TPRG1: variants seen among roughly 807,000 people sequenced by gnomAD.
The protein encoded by TPRG1 is tumor protein p63 regulated 1.
Under a neutral mutation model 29.3 loss-of-function variants are expected in TPRG1, and 29 were observed. That is an observed-to-expected ratio of 0.99 (90% CI 0.74 to 1.35). The LOEUF is 1.35. Among genes scored for constraint, TPRG1 ranks in the 40% most tolerant of loss-of-function variants. The pLI is 0.00. For missense variants in TPRG1, 327 were observed against 335.0 expected (o/e 0.98, Z 0.19); for synonymous variants, 130 against 116.8 (o/e 1.11, Z -0.73).
intron 2 of TPRG1, among the ~76,000 whole-genome samples, chr3:189,210,351 T>C (rs2108817668): frequency 6.6e-6 from 1 of 152,262 alleles, no homozygotes; most frequent in Middle Eastern, 3.4e-3. Flanking sequence ...TAATTGGTAA[T>C]AGGAAACAAC....
At chr3:189,270,180 C>T (rs1429319915) in intron 4 of TPRG1, among the ~76,000 whole-genome samples, 1 of 150,080 alleles carries the variant, frequency 6.7e-6, no homozygotes, top group Admixed American at 6.6e-5. Context: ...ATAATAATAA[C>T]ATGCTGAAGA....
Position 189,322,165 on chromosome 3 carries a change from A to G in TPRG1, c.*1345A>G, listed in dbSNP as rs565424669. ...TTGCCTTTCCCAAGACTCAAAATTG[A>G]CACATCTTTGTTGATGTTTAAGTTG... On this transcript the variant is annotated 3_prime_UTR_variant, in exon 6 of 6. Coordinates refer to ENST00000345063, the MANE Select transcript of TPRG1 (RefSeq NM_198485.4). 1 of 152,176 alleles carries G rather than the reference A, an allele frequency of 6.6e-6. No individual in the cohort carries two copies. Among genetic ancestry groups the G allele is most frequent in the East Asian group, 1.9e-4 (1 of 5,162 alleles). The allele number at this position is 152,176 out of a possible 1,614,324, so 9.4% of individuals were successfully genotyped here. A position where few individuals can be genotyped will look rare whatever the true frequency, so the allele number is the denominator to read the frequency against.
At chr3:189,022,459 C>G (rs984614145) in intron 3 of TPRG1, among the ~76,000 whole-genome samples, 18 of 151,148 alleles carry the variant, frequency 1.2e-4, no homozygotes, top group African/African-American at 4.1e-4. Flanking sequence ...CAGACAGGAC[C>G]CTCAGCTGCA....
intron 4 of TPRG1, among the ~76,000 whole-genome samples, chr3:189,262,798 G>A (rs1201122732): frequency 6.6e-6 from 1 of 152,224 alleles, no homozygotes; most frequent in African/African-American, 2.4e-5. Context: ...GGGGGATGCT[G>A]TGGCATCTCA....
chr3:189,141,435 C>T (rs1724545222), intron 3 of TPRG1, among the ~76,000 whole-genome samples: 6 of 152,254 alleles, frequency 3.9e-5, no homozygotes, highest in Middle Eastern at 3.4e-3. Context: ...AGGCACCAGG[C>T]ATGTTTCTAA....
chr3:188,997,897 G>T (rs1401191156), intron 1 of TPRG1, among the ~76,000 whole-genome samples: 3 of 151,972 alleles, frequency 2.0e-5, no homozygotes, highest in African/African-American at 4.8e-5. Context: ...TTTGAGACAC[G>T]ATTTTTCCCC....
chr3:189,238,017 T>C (rs1320869491), intron 3 of TPRG1, among the ~76,000 whole-genome samples: 2 of 152,210 alleles, frequency 1.3e-5, no homozygotes, highest in East Asian at 3.8e-4. Flanking sequence ...TTCTGTTCTC[T>C]CTGTTGGAGA....
intron 4 of TPRG1, among the ~76,000 whole-genome samples, chr3:189,076,954 C>T (rs7613587): frequency 0.065 from 9,739 of 150,478 alleles, 1,048 homozygotes; most frequent in African/African-American, 0.22. Flanking sequence ...CCAATAAGCA[C>T]ATGAGAAAGT....
chr3:189,009,814 CA>C, intron 3 of TPRG1, among the ~76,000 whole-genome samples: 1 of 151,632 alleles, frequency 6.6e-6, no homozygotes, highest in South Asian at 2.1e-4. Flanking sequence ...ATTTTAAGTT[CA>C]GGGGTACATG....
chr3:189,006,168 G>A (rs575474839), intron 3 of TPRG1, among the ~76,000 whole-genome samples: 2 of 152,114 alleles, frequency 1.3e-5, no homozygotes, highest in South Asian at 2.1e-4. Context: ...GCAGCTTCCC[G>A]ATCACTAAGC....
intron 4 of TPRG1, among the ~76,000 whole-genome samples, chr3:189,076,715 T>TA (rs1171704285): frequency 6.6e-6 from 1 of 151,534 alleles, no homozygotes; most frequent in East Asian, 1.9e-4. Context: ...ATAATGTAAC[T>TA]AAAAAAAACA....
rs1724526915 is a variant in TPRG1, at chr3:189,324,050, G to T, written c.*3230G>T. On this transcript the variant is annotated 3_prime_UTR_variant, in exon 6 of 6. Coordinates refer to ENST00000345063, the MANE Select transcript of TPRG1 (RefSeq NM_198485.4). ...AGGACTCACTCCTCGGTGGTCAATT[G>T]GGCCTGTTTGGAGGCCTGACCTTTG... The T allele has an allele frequency of 6.6e-6, 1 of 151,878 alleles. No homozygotes were observed. Among genetic ancestry groups the T allele is most frequent in the Non-Finnish European group, 1.5e-5 (1 of 67,968 alleles). The allele number at this position is 151,878 out of a possible 1,614,324, so 9.4% of individuals were successfully genotyped here.
Position 189,157,231 on chromosome 3 carries a change from G to A in TPRG1, c.-10+6359G>A, listed in dbSNP as rs1049769578. ...CGAGCATTAAGCCATCCAGATCTCA[G>A]CATTGTTCTGTCTCAGGTCCTGAGG... is the stretch of plus-strand genomic sequence containing the variant. On this transcript the variant is annotated intron_variant, in intron 5 of 6. Coordinates refer to the TPRG1 transcript ENST00000412373. Among the ~76,000 whole-genome samples, 5 of 152,296 alleles carry A rather than the reference G, an allele frequency of 3.3e-5. No individual in the cohort carries two copies. In the South Asian group the frequency reaches 1.0e-3, roughly 32 times the overall value.
At chr3:189,190,789 G>T (rs1731576966) in intron 1 of TPRG1, among the ~76,000 whole-genome samples, 2 of 152,100 alleles carry the variant, frequency 1.3e-5, no homozygotes, top group Non-Finnish European at 2.9e-5. Context: ...AATATATAGA[G>T]ATGGCATTAC....
chr3:189,035,102 G>A (rs1032955505), intron 4 of TPRG1, among the ~76,000 whole-genome samples: 1 of 152,082 alleles, frequency 6.6e-6, no homozygotes, highest in African/African-American at 2.4e-5. Context: ...TAGACCAATG[G>A]AACAGGGTTG....
chr3:189,209,082 C>A (rs559376293), intron 2 of TPRG1, among the ~76,000 whole-genome samples: 2 of 152,288 alleles, frequency 1.3e-5, no homozygotes, highest in Admixed American at 1.3e-4. Flanking sequence ...CTGTCTCCCA[C>A]CAAGTCTAAC....
At chr3:189,255,115 A>G (rs1398529057) in intron 4 of TPRG1, among the ~76,000 whole-genome samples, 1 of 152,176 alleles carries the variant, frequency 6.6e-6, no homozygotes, top group Non-Finnish European at 1.5e-5. Flanking sequence ...TTCAAAGGGA[A>G]TGCTTCCAGC....
At chr3:189,061,797 G>A (rs1716123249) in intron 4 of TPRG1, among the ~76,000 whole-genome samples, 5 of 151,916 alleles carry the variant, frequency 3.3e-5, no homozygotes, top group Admixed American at 3.3e-4. Flanking sequence ...ACAGATGATA[G>A]TAAGGTTGTG....
At chr3:189,298,558 C>T (rs530765753) in intron 4 of TPRG1, among the ~76,000 whole-genome samples, 6 of 152,230 alleles carry the variant, frequency 3.9e-5, no homozygotes, top group African/African-American at 1.4e-4. Flanking sequence ...CATAAAAGTA[C>T]TTCATCAGTG....
Sources: allele counts gnomAD v4.1 joint callset (sites outside exome capture counted in the v4.1 genomes callset), GRCh38; gene constraint gnomAD v4.1.1; transcripts MANE v1.5; gene names NCBI Gene and HGNC (gene_info 2026-07-23, HGNC 2026-07-21).